The following MGAT4C variants were observed in gnomAD, a reference collection of about 807,000 sequenced individuals.
MGAT4C encodes MGAT4 family member C.
A neutral mutation model predicts 40.1 loss-of-function variants in MGAT4C; 19 were observed. The ratio of observed to expected loss-of-function variants is 0.47; its 90% CI spans 0.33 to 0.70. The LOEUF (loss-of-function observed/expected upper bound fraction) is 0.70. Ranked by LOEUF, MGAT4C falls within the 30% of genes least tolerant of loss-of-function variation. The pLI is 0.02. For missense variants in MGAT4C, 491 were observed against 563.2 expected (o/e 0.87, Z 1.30); for synonymous variants, 181 against 187.1 (o/e 0.97, Z 0.27).
chr12:86,502,816 TATATATGTATACACGAGTTCTGCTC>T (rs1592925847), intron 2 of MGAT4C, among the ~76,000 whole-genome samples: 2 of 114,554 alleles, frequency 1.7e-5, no homozygotes, highest in South Asian at 2.9e-4. Context: ...GTTCTGCTCA[TATATATGTATACACGAGTTCTGCTC>T]ATATATATAT....
intron 3 of MGAT4C, among the ~76,000 whole-genome samples, chr12:86,405,334 T>C (rs907412662): frequency 2.6e-5 from 4 of 152,012 alleles, no homozygotes; most frequent in Admixed American, 2.0e-4. Flanking sequence ...TATATTTTTA[T>C]ATGCCAGCAA....
chr12:86,443,979 A>AG (rs1440992607), intron 2 of MGAT4C, among the ~76,000 whole-genome samples: 3 of 152,126 alleles, frequency 2.0e-5, no homozygotes, highest in Non-Finnish European at 4.4e-5. Context: ...CTCTGCGTTA[A>AG]TTCATCCTCA....
intron 2 of MGAT4C, among the ~76,000 whole-genome samples, chr12:86,525,983 G>A (rs1274258229): frequency 6.6e-6 from 1 of 152,216 alleles, no homozygotes; most frequent in Non-Finnish European, 1.5e-5. Context: ...CTATGGCAGG[G>A]GGCCAGCAGG....
intron 2 of MGAT4C, among the ~76,000 whole-genome samples, chr12:86,702,231 G>A (rs983297831): frequency 1.4e-5 from 2 of 147,338 alleles, no homozygotes; most frequent in Admixed American, 6.8e-5. Context: ...TTTCAGAGAT[G>A]TAGTATTACT....
intron 2 of MGAT4C, among the ~76,000 whole-genome samples, chr12:86,722,132 G>C (rs1028019916): frequency 2.0e-5 from 3 of 152,094 alleles, no homozygotes; most frequent in African/African-American, 7.2e-5. Flanking sequence ...TAATGGTTCT[G>C]TTCTCCCAGC....
intron 4 of MGAT4C, among the ~76,000 whole-genome samples, chr12:86,302,451 C>A (rs1021530760): frequency 6.6e-6 from 1 of 150,382 alleles, no homozygotes; most frequent in Non-Finnish European, 1.5e-5. Flanking sequence ...GTTTTCGAGA[C>A]GGAGTCTCAT....
chr12:86,537,938 T>G (rs1959102418), intron 2 of MGAT4C, among the ~76,000 whole-genome samples: 1 of 151,852 alleles, frequency 6.6e-6, no homozygotes, highest in African/African-American at 2.4e-5. Context: ...AATACAAAAA[T>G]TAGCCAGGCG....
chr12:86,630,308 G>A (rs561042558), intron 2 of MGAT4C, among the ~76,000 whole-genome samples: 28 of 152,140 alleles, frequency 1.8e-4, no homozygotes, highest in Non-Finnish European at 3.5e-4. Context: ...ATTCACAGCC[G>A]GATTCTACCA....
chr12:86,190,827 A>C (rs986033356), intron 1 of MGAT4C, among the ~76,000 whole-genome samples: 2 of 152,070 alleles, frequency 1.3e-5, no homozygotes, highest in Admixed American at 6.6e-5. Context: ...AGTTGATTTA[A>C]AGCAAAGAGA....
At position 86,698,361 on chromosome 12, in the gene MGAT4C, TTGTGTGTGTGTCTATG is replaced by T. The variant is rs1001382935; in HGVS notation, c.-229+28832_-229+28847del. Among the ~76,000 whole-genome samples the T allele has an allele frequency of 3.3e-5, 5 of 151,882 alleles. No individual in the cohort carries two copies. The East Asian group carries it at 5.8e-4, about 18-fold the overall frequency. On this transcript the variant is annotated intron_variant, in intron 2 of 7. Transcript: ENST00000548651. ...AAAAATTGTGTTTGTGTATGTGTGT[TTGTGTGTGTGTCTATG>T]TGTGTGTGTGTGTATGCATGTGTGT...
At chr12:86,005,248 G>T (rs1887757261) in intron 2 of MGAT4C, among the ~76,000 whole-genome samples, 1 of 152,126 alleles carries the variant, frequency 6.6e-6, no homozygotes, top group Admixed American at 6.6e-5. Flanking sequence ...AAAATCAGTA[G>T]ATTATACTTT....
chr12:86,456,544 C>G (rs960604466), intron 2 of MGAT4C, among the ~76,000 whole-genome samples: 2 of 152,014 alleles, frequency 1.3e-5, no homozygotes, highest in African/African-American at 4.8e-5. Context: ...CTCCCTTTGG[C>G]ATTGAGTTCT....
At chr12:86,192,002 C>A (rs1005714348) in intron 1 of MGAT4C, among the ~76,000 whole-genome samples, 19 of 146,050 alleles carry the variant, frequency 1.3e-4, no homozygotes, top group Admixed American at 5.6e-4. Flanking sequence ...GGACAAAAAA[C>A]CAAACACCGC....
intron 2 of MGAT4C, among the ~76,000 whole-genome samples, chr12:86,533,933 C>T (rs2136376058): frequency 6.6e-6 from 1 of 152,024 alleles, no homozygotes; most frequent in South Asian, 2.1e-4. Flanking sequence ...CTCTTTGTAG[C>T]AATAAGATAC....
intron 4 of MGAT4C, among the ~76,000 whole-genome samples, chr12:86,317,968 T>C (rs1954287339): frequency 6.6e-6 from 1 of 151,934 alleles, no homozygotes; most frequent in South Asian, 2.1e-4. Context: ...ATGTTTATCT[T>C]ATGTTAAAAG....
chr12:86,803,909 T>A (rs1197578683), intron 1 of MGAT4C, among the ~76,000 whole-genome samples: 3 of 148,582 alleles, frequency 2.0e-5, no homozygotes. Flanking sequence ...AGCCATCCCA[T>A]TACTGGGTAT....
intron 2 of MGAT4C, among the ~76,000 whole-genome samples, chr12:86,572,481 A>T (rs943754844): frequency 6.6e-6 from 1 of 152,104 alleles, no homozygotes; most frequent in African/African-American, 2.4e-5. Flanking sequence ...AAATCTTTTA[A>T]GGATGCTATT....
At chr12:86,038,186 T>C (rs1471532633) in intron 2 of MGAT4C, among the ~76,000 whole-genome samples, 5 of 149,816 alleles carry the variant, frequency 3.3e-5, no homozygotes, top group Non-Finnish European at 7.5e-5. Context: ...CTTTGAAGCA[T>C]ATGGGACATA....
At chr12:86,437,426 G>A (rs888658398) in intron 2 of MGAT4C, among the ~76,000 whole-genome samples, 28 of 151,602 alleles carry the variant, frequency 1.8e-4, no homozygotes, top group Non-Finnish European at 3.5e-4. Context: ...TATTGTTGAC[G>A]TCCCCCTCTC....
Sources: allele counts gnomAD v4.1 joint callset (sites outside exome capture counted in the v4.1 genomes callset), GRCh38; gene constraint gnomAD v4.1.1; transcripts MANE v1.5; gene names NCBI Gene and HGNC (gene_info 2026-07-23, HGNC 2026-07-21).